Variants in WDTC1 observed in about 807,000 individuals in gnomAD.
WDTC1 encodes the protein WD and tetratricopeptide repeats 1, also known as WD and tetratricopeptide repeats protein 1.
In WDTC1, 12 loss-of-function variants were observed where a neutral mutation model predicts 76.0. The observed-to-expected ratio is 0.16, with a 90% CI of 0.10 to 0.26. WDTC1 has a LOEUF of 0.26. Ranked by LOEUF, WDTC1 falls within the 10% of genes least tolerant of loss-of-function variation. WDTC1 has a pLI of 1.00. For missense variants in WDTC1, 511 were observed against 908.8 expected (o/e 0.56, Z 5.63); for synonymous variants, 326 against 350.8 (o/e 0.93, Z 0.79).
chr1:27,267,576 T>G (rs567882477), intron 3 of WDTC1, among the ~76,000 whole-genome samples: 3 of 152,278 alleles, frequency 2.0e-5, no homozygotes, highest in Non-Finnish European at 1.5e-5. Flanking sequence ...CCCAGCTATG[T>G]AATCCAGTTA....
At chr1:27,247,814 G>A (rs920977675) in intron 1 of WDTC1, among the ~76,000 whole-genome samples, 1 of 151,314 alleles carries the variant, frequency 6.6e-6, no homozygotes, top group Non-Finnish European at 1.5e-5. Context: ...TGCCTCCCGG[G>A]TTCAAGTGAT....
Position 27,263,736 on chromosome 1 carries a change from A to AT in WDTC1, c.132+508dup, listed in dbSNP as rs1189306498. On this transcript the variant is annotated intron_variant, in intron 3 of 15. Transcript: ENST00000319394. ...GAGCCACCGCGCCTGGCCTTAAATT[A>AT]TTTTTTTGGACATATTATTTGCTTT... Among the ~76,000 whole-genome samples, 12 of 152,102 alleles carry AT rather than the reference A, an allele frequency of 7.9e-5. 1 individual carries two copies. The highest frequency in any genetic ancestry group is 6.8e-3 in the Middle Eastern group (2 of 294).
At chr1:27,304,070 T>A (rs1570991044) in intron 14 of WDTC1, 5 of 388,146 alleles carry the variant, frequency 1.3e-5, no homozygotes, top group Non-Finnish European at 2.3e-5. Flanking sequence ...ATCCCCCACC[T>A]CCTTCTCCCT....
At chr1:27,254,378 A>G (rs890525439) in intron 1 of WDTC1, among the ~76,000 whole-genome samples, 9 of 152,108 alleles carry the variant, frequency 5.9e-5, no homozygotes, top group African/African-American at 1.7e-4. Flanking sequence ...AGGTGGATCA[A>G]TTGATGTCAG....
chr1:27,300,710 G>A (rs560372720), intron 12 of WDTC1, among the ~76,000 whole-genome samples: 1 of 152,158 alleles, frequency 6.6e-6, no homozygotes, highest in African/African-American at 2.4e-5. Flanking sequence ...ACAGGGGGGG[G>A]TCTGGCTGAG....
rs1380883180 is a variant in WDTC1 at position 27,303,501 on chromosome 1, G to A, written c.1469-120G>A. 2 of 1,252,484 alleles carry A rather than the reference G, an allele frequency of 1.6e-6. No homozygotes were observed. The highest frequency in any genetic ancestry group is 2.1e-6 in the Non-Finnish European group (2 of 933,428). The allele number at this position is 1,252,484 out of a possible 1,614,324, so 77.6% of individuals were successfully genotyped here. A position where few individuals can be genotyped will look rare whatever the true frequency, so the allele number is the denominator to read the frequency against. ...CTTTCCCCAGTTTTCCAGGATAAGG[G>A]TGGAGGCAGGTAGCTCTATGTTGTC... On this transcript the variant is annotated intron_variant, in intron 13 of 15. Coordinates refer to ENST00000319394, the MANE Select transcript of WDTC1 (RefSeq NM_001276252.2). The surrounding 1 kb of genome is among the most constrained non-coding windows in gnomAD (Gnocchi z 4.8).
chr1:27,235,172 G>T (rs966689981), intron 1 of WDTC1, among the ~76,000 whole-genome samples: 6 of 152,108 alleles, frequency 3.9e-5, no homozygotes, highest in Non-Finnish European at 8.8e-5. Context: ...GGAGGGTTTG[G>T]TCGGGACGCG....
rs566954824 is a variant in WDTC1 at position 27,283,218 on chromosome 1, C to G, written c.180-120C>G. 3.8e-6 allele frequency: 3 copies of G among 785,728 alleles called. No homozygotes were observed. The African/African-American group carries it at 5.2e-5, about 13-fold the overall frequency. The allele number at this position is 785,728 out of a possible 1,614,324, so 48.7% of individuals were successfully genotyped here. ...GCTGTTTACAAGGCAACCTTAAATTCTGTGACATTTACTGTTCTTCAAATT... is the reference window on the plus strand; with the variant it reads ...GCTGTTTACAAGGCAACCTTAAATTGTGTGACATTTACTGTTCTTCAAATT... On this transcript the variant is annotated intron_variant, in intron 4 of 15. Coordinates refer to ENST00000319394, the MANE Select transcript of WDTC1 (RefSeq NM_001276252.2).
rs1214320007 is a variant in WDTC1 at position 27,308,524 on chromosome 1, C to T, written c.*2141C>T. ...TTGGAATCTTAGTGGTTTTTCAAACCATTTTACATTGTGACCCAATATACA... is the reference window on the plus strand; with the variant it reads ...TTGGAATCTTAGTGGTTTTTCAAACTATTTTACATTGTGACCCAATATACA... On this transcript the variant is annotated 3_prime_UTR_variant, in exon 16 of 16. Transcript: ENST00000319394. 5 of 151,982 alleles carry T rather than the reference C, an allele frequency of 3.3e-5. No individual in the cohort carries two copies. The highest frequency in any genetic ancestry group is 1.2e-4 in the African/African-American group (5 of 41,386). 9.4% of individuals were successfully genotyped at this position (151,982 alleles called of 1,614,324 possible). A position where few individuals can be genotyped will look rare whatever the true frequency, so the allele number is the denominator to read the frequency against.
chr1:27,253,483 C>CTTTCT (rs2012167960), intron 1 of WDTC1, among the ~76,000 whole-genome samples: 1 of 130,972 alleles, frequency 7.6e-6, no homozygotes, highest in South Asian at 2.6e-4. Context: ...CTCTTCTTCT[C>CTTTCT]TCTTTCTTCT....
rs78978973 is a variant in WDTC1, at chr1:27,255,073, G to T, written c.-99-5883G>T. On this transcript the variant is annotated intron_variant, in intron 1 of 15. Coordinates refer to ENST00000319394, the MANE Select transcript of WDTC1 (RefSeq NM_001276252.2). ...GTTCCTTTTAGTATTTCCAAGCCAC[G>T]CACCAGTCTTAGCTAAAAACCCCTT... Among the ~76,000 whole-genome samples the T allele has an allele frequency of 4.3e-3, 648 of 151,586 alleles. 42 individuals are homozygous for T. In the East Asian group the frequency reaches 0.11, roughly 26 times the overall value.
intron 12 of WDTC1, among the ~76,000 whole-genome samples, chr1:27,299,856 G>C (rs897291778): frequency 4.6e-5 from 7 of 152,148 alleles, no homozygotes; most frequent in Non-Finnish European, 1.0e-4. Flanking sequence ...ATGCCTGCCA[G>C]TGACCCCTAG....
chr1:27,288,542 G>A (rs2013411965), intron 6 of WDTC1, among the ~76,000 whole-genome samples: 3 of 151,452 alleles, frequency 2.0e-5, no homozygotes, highest in African/African-American at 4.9e-5. Flanking sequence ...ATTAGGGAGT[G>A]GTGATGACTC....
At chr1:27,275,879 C>T (rs116453473) in intron 3 of WDTC1, among the ~76,000 whole-genome samples, 1,929 of 152,308 alleles carry the variant, frequency 0.013, 23 homozygotes, top group East Asian at 0.024. Flanking sequence ...GAACCTCTTA[C>T]CCATCTTAGC....
At position 27,305,001 on chromosome 1, in the gene WDTC1, C is replaced by T; in HGVS notation, c.1644C>T (p.Ser548=). ...TDIKEANFFG[S]NAQYIVSGSD... Reference sequence around the variant, plus strand: ...TCCCTGCCCTTTGCCCCCCCGCCAGCAACGCTCAGTATATCGTCAGTGGCT... The same window carrying T: ...TCCCTGCCCTTTGCCCCCCCGCCAGTAACGCTCAGTATATCGTCAGTGGCT... The change falls in exon 15 of 16, where the codon AGC becomes AGT. Residue 548 remains serine (S), a splice_region_variant and synonymous_variant. Transcript: ENST00000319394. This position sits in a 1 kb window ranked among gnomAD's most constrained non-coding sequence, Gnocchi z 4.6. 6.2e-7 allele frequency: 1 copy of T among 1,611,062 alleles called. No individual in the cohort carries two copies. Among genetic ancestry groups the T allele is most frequent in the Non-Finnish European group, 8.5e-7 (1 of 1,177,742 alleles).
intron 1 of WDTC1, among the ~76,000 whole-genome samples, chr1:27,251,177 G>A (rs1022070701): frequency 6.7e-6 from 1 of 148,874 alleles, no homozygotes; most frequent in Non-Finnish European, 1.5e-5. Flanking sequence ...AGGTGTGAGC[G>A]ACCACACCTA....
rs1167027160 is a variant in WDTC1 at position 27,305,241 on chromosome 1, G to T, written c.1836+48G>T. Reference sequence around the variant, plus strand: ...AGAGGAGGGCAGGGACTCTGTGGAAGGCTCCAGTGGAGCCTGCTAGCGCAG... The same window carrying T: ...AGAGGAGGGCAGGGACTCTGTGGAATGCTCCAGTGGAGCCTGCTAGCGCAG... On this transcript the variant is annotated intron_variant, in intron 15 of 15. Coordinates refer to ENST00000319394, the MANE Select transcript of WDTC1 (RefSeq NM_001276252.2). This position sits in a 1 kb window ranked among gnomAD's most constrained non-coding sequence, Gnocchi z 4.6. 6 of 1,582,362 alleles carry T rather than the reference G, an allele frequency of 3.8e-6. No homozygotes were observed. The highest frequency in any genetic ancestry group is 5.2e-6 in the Non-Finnish European group (6 of 1,164,996).
At chr1:27,247,847 TA>T (rs2011902051) in intron 1 of WDTC1, among the ~76,000 whole-genome samples, 1 of 152,010 alleles carries the variant, frequency 6.6e-6, no homozygotes, top group Non-Finnish European at 1.5e-5. Flanking sequence ...GCCTCCCAAG[TA>T]GCTGGGATTA....
chr1:27,264,421 T>C (rs968916751), intron 3 of WDTC1, among the ~76,000 whole-genome samples: 2 of 151,914 alleles, frequency 1.3e-5, no homozygotes, highest in African/African-American at 4.8e-5. Context: ...AGACCTTGTC[T>C]CTAAAAATTA....
Sources: allele counts gnomAD v4.1 joint callset (sites outside exome capture counted in the v4.1 genomes callset), GRCh38; gene constraint gnomAD v4.1.1; non-coding constraint Gnocchi (gnomAD v3.1); transcripts MANE v1.5; gene names NCBI Gene and HGNC (gene_info 2026-07-23, HGNC 2026-07-21).